Variants in GFRA4 observed in about 807,000 individuals in gnomAD.
GFRA4 encodes GDNF family receptor alpha 4, also known as GDNF family receptor alpha-4.
Under a neutral mutation model 28.5 loss-of-function variants are expected in GFRA4, and 31 were observed. The ratio of observed to expected loss-of-function variants is 1.09; its 90% CI spans 0.82 to 1.47. The LOEUF (loss-of-function observed/expected upper bound fraction) is 1.47. GFRA4 is among the 40% of genes most tolerant of loss of function. GFRA4 has a pLI of 0.00. For missense variants in GFRA4, 389 were observed against 413.2 expected (o/e 0.94, Z 0.51); for synonymous variants, 188 against 188.0 (o/e 1.00, Z 0.00).
At position 3,660,975 on chromosome 20, in the gene GFRA4, A is replaced by C; in HGVS notation, c.361T>G (p.Leu121Val). The stretch of plus-strand genomic sequence containing the variant: ...ACCCGGCTGCGCTCGCAGAAGTTTA[A>C]GGGCTCAAGGCAGGAGGGCGGCGCG... ...GPAPPSCLEP[L>V]NFCERSRVCR... Residue 121 changes from leucine (L) to valine (V), a missense_variant, in exon 2 of 6, where the codon TTA becomes GTA. By Grantham distance (32) the Leu-to-Val change is conservative. Transcript: ENST00000290417. 7.2e-7 allele frequency: 1 copy of C among 1,385,778 alleles called. No individual in the cohort carries two copies. The highest frequency in any genetic ancestry group is 3.0e-5 in the Admixed American group (1 of 33,318). The allele number at this position is 1,385,778 out of a possible 1,614,324, so 85.8% of individuals were successfully genotyped here. A position where few individuals can be genotyped will look rare whatever the true frequency, so the allele number is the denominator to read the frequency against.
chr20:3,659,669 T>TA lies in GFRA4; in HGVS notation c.*239dup. ...CTCAAGGTCTGTGAATAAAGGGACT[T>TA]ACAACCAAGATGCCTCCTGACAGGG... is the stretch of plus-strand genomic sequence containing the variant. On this transcript the variant is annotated 3_prime_UTR_variant, in exon 6 of 6. Transcript: ENST00000290417. 1 of 569,234 alleles carries TA rather than the reference T, an allele frequency of 1.8e-6. No individual in the cohort carries two copies. The highest frequency in any genetic ancestry group is 3.1e-6 in the Non-Finnish European group (1 of 319,240). 35.3% of individuals were successfully genotyped at this position (569,234 alleles called of 1,614,324 possible).
At position 3,661,075 on chromosome 20, in the gene GFRA4, C is replaced by A; in HGVS notation, c.261G>T (p.Pro87=). Residue 87 remains proline, a synonymous_variant, in exon 2 of 6, where the codon CCG becomes CCT. Coordinates refer to ENST00000290417, the MANE Select transcript of GFRA4 (RefSeq NM_022139.4). Reference sequence around the variant, plus strand: ...GCTCGGCGCACGCGGGGCCCGCGCACGGGCAGAAGAGCAGTGCGTGGGTGA... The same window carrying A: ...GCTCGGCGCACGCGGGGCCCGCGCAAGGGCAGAAGAGCAGTGCGTGGGTGA... ...PALTHALLFC[P]CAGPACAERR... is the part of the protein sequence containing the mutation. 1 of 1,439,690 alleles carries A rather than the reference C, an allele frequency of 6.9e-7. No homozygotes were observed. Among genetic ancestry groups the A allele is most frequent in the South Asian group, 1.3e-5 (1 of 74,272 alleles). 89.2% of individuals were successfully genotyped at this position (1,439,690 alleles called of 1,614,324 possible).
At chr20:3,660,427 T>C in intron 4 of GFRA4, 99 bp downstream of exon 4, 1 of 1,257,502 alleles carries the variant, frequency 8.0e-7, no homozygotes, top group Non-Finnish European at 1.1e-6. Context: ...CTGTACAGTC[T>C]TCCATTCTCC....
chr20:3,661,063 G>T lies in GFRA4; in HGVS notation c.273C>A (p.Pro91=), dbSNP rs954711399. The change falls in exon 2 of 6, where the codon CCC becomes CCA. Residue 91 remains proline, a synonymous_variant. Coordinates refer to ENST00000290417, the MANE Select transcript of GFRA4 (RefSeq NM_022139.4). The part of the protein sequence containing the change: ...HALLFCPCAG[P]ACAERRRQTF... ...TCTGGCGCCGACGCTCGGCGCACGC[G>T]GGGCCCGCGCACGGGCAGAAGAGCA... 4 of 1,446,078 alleles carry T rather than the reference G, an allele frequency of 2.8e-6. No individual in the cohort carries two copies. Among genetic ancestry groups the T allele is most frequent in the East Asian group, 3.1e-5 (1 of 32,226 alleles). 89.6% of individuals were successfully genotyped at this position (1,446,078 alleles called of 1,614,324 possible).
intron 4 of GFRA4, 77 bp from the exon 5 acceptor site, chr20:3,660,326 G>A: frequency 8.0e-7 from 1 of 1,255,160 alleles, no homozygotes; most frequent in South Asian, 1.4e-5. Flanking sequence ...CAAAGTGAGA[G>A]ACCCCCTGCT....
intron 1 of GFRA4, 113 bp from the exon 2 acceptor site, chr20:3,661,402 A>G (rs902266656): frequency 7.6e-7 from 1 of 1,310,756 alleles, no homozygotes; most frequent in Non-Finnish European, 9.7e-7. Context: ...GAAAGCATAG[A>G]GTGTGGCCCA....
chr20:3,660,762 G>A lies in GFRA4; in HGVS notation c.495C>T (p.Gly165=). 7.0e-7 allele frequency: 1 copy of A among 1,419,774 alleles called. No individual in the cohort carries two copies. The highest frequency in any genetic ancestry group is 9.1e-7 in the Non-Finnish European group (1 of 1,095,938). The allele number at this position is 1,419,774 out of a possible 1,614,324, so 87.9% of individuals were successfully genotyped here. A position where few individuals can be genotyped will look rare whatever the true frequency, so the allele number is the denominator to read the frequency against. The change falls in exon 3 of 6, where the codon GGC becomes GGT. Residue 165 remains glycine, a synonymous_variant. Coordinates refer to ENST00000290417, the MANE Select transcript of GFRA4 (RefSeq NM_022139.4). ...QGARCLRAYA[G]LVGTAVTPNY... ...GATCCCGGCCGCGCGTACCCACGAG[G>A]CCCGCGTAGGCGCGCAGGCAGCGGG...
intron 1 of GFRA4, 84 bp downstream of exon 1, chr20:3,663,270 A>G: frequency 6.7e-7 from 1 of 1,493,208 alleles, no homozygotes; most frequent in Non-Finnish European, 9.2e-7. Context: ...TTTTCCTGGA[A>G]TATCTTGCCC....
chr20:3,661,417 C>T, intron 1 of GFRA4, 128 bp from the exon 2 acceptor site: 2 of 1,298,102 alleles, frequency 1.5e-6, no homozygotes, highest in African/African-American at 1.5e-5. Flanking sequence ...GGCCCAAAGG[C>T]GGGGCCGACT....
intron 1 of GFRA4, 112 bp from the exon 2 acceptor site, chr20:3,661,401 G>A (rs779956447): frequency 1.5e-6 from 2 of 1,317,828 alleles, no homozygotes; most frequent in African/African-American, 1.5e-5. Flanking sequence ...AGAAAGCATA[G>A]AGTGTGGCCC....
chr20:3,659,252 G>A lies in GFRA4; in HGVS notation c.*657C>T, dbSNP rs2087191589. ...CACAGACCACATAAAAGCAAGGTCA[G>A]TCTCAGCACACAGATTTAATAAGCA... On this transcript the variant is annotated 3_prime_UTR_variant, in exon 6 of 6. Transcript: ENST00000290417. 1 of 153,436 alleles carries A rather than the reference G, an allele frequency of 6.5e-6. No individual in the cohort carries two copies. Among genetic ancestry groups the A allele is most frequent in the Admixed American group, 6.5e-5 (1 of 15,478 alleles). 9.5% of individuals were successfully genotyped at this position (153,436 alleles called of 1,614,324 possible).
chr20:3,660,474 G>T, intron 4 of GFRA4, 52 bp downstream of exon 4: 1 of 1,512,484 alleles, frequency 6.6e-7, no homozygotes, highest in Non-Finnish European at 8.9e-7. Context: ...GCTTGGGAGG[G>T]GGCAGTAAGC....
rs762243585 is a variant in GFRA4, at chr20:3,660,535, G to A, written c.628C>T (p.Arg210Cys). 2.9e-5 allele frequency: 43 copies of A among 1,504,364 alleles called. No homozygotes were observed. The South Asian group carries it at 4.1e-4, about 14-fold the overall frequency. The allele number at this position is 1,504,364 out of a possible 1,614,324, so 93.2% of individuals were successfully genotyped here. Residue 210 changes from arginine (R) to cysteine (C), a missense_variant, in exon 4 of 6, where the codon CGC (arginine) becomes TGC (cysteine). Physicochemically the swap from Arg to Cys is radical, Grantham distance 180. Transcript: ENST00000290417. ...CCCCCGGGCCCCTCACCCAAGCAGC[G>A]GTTCCTGGTAAAGAGCCCCCGGAAG... Reference protein sequence around the residue: ...EAFRGLFTRNRCLDGAIQAFA... With the variant: ...EAFRGLFTRNCCLDGAIQAFA...
intron 4 of GFRA4, 85 bp from the exon 5 acceptor site, chr20:3,660,334 G>A (rs1328553906): frequency 1.6e-6 from 2 of 1,214,038 alleles, no homozygotes; most frequent in East Asian, 2.5e-5. Context: ...GAGACCCCCT[G>A]CTGCAAAGAC....
At chr20:3,662,665 G>A (rs6115982) in intron 1 of GFRA4, among the ~76,000 whole-genome samples, 44,724 of 152,032 alleles carry the variant, frequency 0.29, 8,659 homozygotes, top group African/African-American at 0.56. Flanking sequence ...TGGCAGCGGG[G>A]TGAGTCCTCC....
At position 3,663,227 on chromosome 20, in the gene GFRA4, G is replaced by T. The variant is rs888138833; in HGVS notation, c.46+127C>A. 29 of 1,128,332 alleles carry T rather than the reference G, an allele frequency of 2.6e-5. No individual in the cohort carries two copies. In the African/African-American group the frequency reaches 4.1e-4, roughly 16 times the overall value. The allele number at this position is 1,128,332 out of a possible 1,614,324, so 69.9% of individuals were successfully genotyped here. A position where few individuals can be genotyped will look rare whatever the true frequency, so the allele number is the denominator to read the frequency against. ...AGGGGTCCCCAAGCCGTGCGCACAG[G>T]CCTCTCACTGGCAACCCTTCCTGTG... On this transcript the variant is annotated intron_variant, in intron 1 of 5. Transcript: ENST00000290417.
At chr20:3,661,392 G>A in intron 1 of GFRA4, 103 bp from the exon 2 acceptor site, 2 of 1,327,264 alleles carry the variant, frequency 1.5e-6, no homozygotes, top group Non-Finnish European at 1.9e-6. Flanking sequence ...GAAAACCCGA[G>A]AAAGCATAGA....
Position 3,661,197 on chromosome 20 carries a change from C to A in GFRA4, c.139G>T (p.Val47Leu). The stretch of plus-strand genomic sequence containing the variant: ...GCAGCCCGGCCCAGGCACTGCGCCA[C>A]ATACTCGGAGCGCAAACGCTGGCAC... Reference protein sequence around the residue: ...ARCQRLRSEYVAQCLGRAAQG... With the variant: ...ARCQRLRSEYLAQCLGRAAQG... The change falls in exon 2 of 6, where the codon GTG becomes TTG. Residue 47 changes from valine to leucine, a missense_variant. Coordinates refer to ENST00000290417, the MANE Select transcript of GFRA4 (RefSeq NM_022139.4). 6.7e-7 allele frequency: 1 copy of A among 1,494,436 alleles called. No individual in the cohort carries two copies. The highest frequency in any genetic ancestry group is 8.9e-7 in the Non-Finnish European group (1 of 1,128,758). The allele number at this position is 1,494,436 out of a possible 1,614,324, so 92.6% of individuals were successfully genotyped here.
Position 3,661,011 on chromosome 20 carries a change from C to A in GFRA4, c.325G>T (p.Gly109Trp), listed in dbSNP as rs756053371. Residue 109 changes from glycine (G) to tryptophan (W), a missense_variant, in exon 2 of 6, where the codon GGG becomes TGG. By Grantham distance (184) the Gly-to-Trp change is radical. Coordinates refer to ENST00000290417, the MANE Select transcript of GFRA4 (RefSeq NM_022139.4). ...QTFVPSCAFS[G>W]PGPAPPSCLE... The stretch of plus-strand genomic sequence containing the variant: ...CAGGAGGGCGGCGCGGGGCCGGGCC[C>A]CGAAAAGGCGCAGGAGGGCACGAAG... The A allele has an allele frequency of 2.0e-6, 3 of 1,465,450 alleles. No individual in the cohort carries two copies. In the South Asian group the frequency reaches 3.9e-5, roughly 19 times the overall value. The allele number at this position is 1,465,450 out of a possible 1,614,324, so 90.8% of individuals were successfully genotyped here.
Sources: allele counts gnomAD v4.1 joint callset (sites outside exome capture counted in the v4.1 genomes callset), GRCh38; gene constraint gnomAD v4.1.1; transcripts MANE v1.5; gene names NCBI Gene and HGNC (gene_info 2026-07-23, HGNC 2026-07-21).